Variants in CALB1 observed in about 807,000 individuals in gnomAD.
CALB1 encodes calbindin 1.
Under a neutral mutation model 46.7 loss-of-function variants are expected in CALB1, and 16 were observed. The observed-to-expected ratio is 0.34, with a 90% CI of 0.23 to 0.52. The LOEUF is 0.52. Among genes scored for constraint, CALB1 ranks in the 20% least tolerant of loss-of-function variants. The pLI, the probability that CALB1 is intolerant of heterozygous loss-of-function variation, is 0.95. For missense variants in CALB1, 224 were observed against 300.3 expected (o/e 0.75, Z 1.88); for synonymous variants, 90 against 112.8 (o/e 0.80, Z 1.28).
At chr8:90,069,766 A>G (rs1814468465) in intron 3 of CALB1, among the ~76,000 whole-genome samples, 1 of 152,136 alleles carries the variant, frequency 6.6e-6, no homozygotes, top group Non-Finnish European at 1.5e-5. Context: ...AGATAAACCA[A>G]AGACAATCGT....
At chr8:90,069,795 T>C (rs960298887) in intron 3 of CALB1, among the ~76,000 whole-genome samples, 2 of 151,978 alleles carry the variant, frequency 1.3e-5, no homozygotes, top group Non-Finnish European at 2.9e-5. Context: ...GGAAAAGAAA[T>C]TCACCATGAA....
rs568659351 is a variant in CALB1 at position 90,078,531 on chromosome 8, A to G, written c.157-84T>C. On this transcript the variant is annotated intron_variant, in intron 2 of 10. Coordinates refer to ENST00000265431, the MANE Select transcript of CALB1 (RefSeq NM_004929.4). ...ATGGTGTTAATAACTTACTGCAAAG[A>G]AAAACCAAAATTAGAACCATTTAGA... The G allele has an allele frequency of 1.1e-5, 8 of 753,456 alleles. No individual in the cohort carries two copies. In the East Asian group the frequency reaches 1.6e-4, roughly 15 times the overall value. 46.7% of individuals were successfully genotyped at this position (753,456 alleles called of 1,614,324 possible).
rs1586176184 is a variant in CALB1 at position 90,059,862 on chromosome 8, T to A, written c.*311A>T. 9 of 253,440 alleles carry A rather than the reference T, an allele frequency of 3.6e-5. No individual in the cohort carries two copies. The East Asian group carries it at 6.9e-4, about 19-fold the overall frequency. 15.7% of individuals were successfully genotyped at this position (253,440 alleles called of 1,614,324 possible). On this transcript the variant is annotated 3_prime_UTR_variant, in exon 11 of 11. Coordinates refer to ENST00000265431, the MANE Select transcript of CALB1 (RefSeq NM_004929.4). The stretch of plus-strand genomic sequence containing the variant: ...AATCAGAGACTAGAATTTTAGAGAT[T>A]AATCCTGGTGGAATTTTTAGGGAAA...
At chr8:90,077,344 A>C (rs1329163771) in intron 3 of CALB1, among the ~76,000 whole-genome samples, 2 of 152,008 alleles carry the variant, frequency 1.3e-5, no homozygotes, top group African/African-American at 4.8e-5. Context: ...AGTGTATTTC[A>C]CACTGGCATC....
rs1326599011 is a variant in CALB1 at position 90,059,392 on chromosome 8, T to C, written c.*781A>G. 1 of 152,606 alleles carries C rather than the reference T, an allele frequency of 6.6e-6. No individual in the cohort carries two copies. Among genetic ancestry groups the C allele is most frequent in the Admixed American group, 6.5e-5 (1 of 15,282 alleles). The allele number at this position is 152,606 out of a possible 1,614,324, so 9.5% of individuals were successfully genotyped here. A position where few individuals can be genotyped will look rare whatever the true frequency, so the allele number is the denominator to read the frequency against. ...ACACCAGGATATGCAGTATATTAAATTTAATCAGAGATTACACAGAGTATG... is the reference window on the plus strand; with the variant it reads ...ACACCAGGATATGCAGTATATTAAACTTAATCAGAGATTACACAGAGTATG... On this transcript the variant is annotated 3_prime_UTR_variant, in exon 11 of 11. Transcript: ENST00000265431.
chr8:90,081,895 G>A (rs1356401494), intron 2 of CALB1, 131 bp downstream of exon 2: 1 of 501,582 alleles, frequency 2.0e-6, no homozygotes, highest in Non-Finnish European at 3.4e-6. Flanking sequence ...GTTTTTTCTT[G>A]CCTTTCGCAG....
At chr8:90,067,755 C>A (rs559497664) in intron 5 of CALB1, among the ~76,000 whole-genome samples, 106 of 152,196 alleles carry the variant, frequency 7.0e-4, no homozygotes, top group Middle Eastern at 3.4e-3. Context: ...GCATGTAGTG[C>A]TGTGGGGGTG....
chr8:90,077,506 G>A (rs1198668927), intron 3 of CALB1, among the ~76,000 whole-genome samples: 5 of 151,796 alleles, frequency 3.3e-5, no homozygotes, highest in Admixed American at 3.3e-4. Flanking sequence ...TTATGATTTG[G>A]CATATTTCAA....
chr8:90,067,934 A>C (rs369977008), intron 5 of CALB1, among the ~76,000 whole-genome samples: 55 of 152,328 alleles, frequency 3.6e-4, no homozygotes, highest in African/African-American at 1.3e-3. Context: ...TGTGAGGATT[A>C]AATTTTAAAA....
rs773803549 is a variant in CALB1, at chr8:90,078,409, A to G, written c.195T>C (p.Tyr65=). 6 of 1,595,642 alleles carry G rather than the reference A, an allele frequency of 3.8e-6. No homozygotes were observed. Among genetic ancestry groups the G allele is most frequent in the Non-Finnish European group, 5.1e-6 (6 of 1,167,806 alleles). ...CTATTTTTCCATCATCTCTTTGCCC[A>G]TACTGATCCACAAAAGTTTTCATTT... ...SPEMKTFVDQ[Y]GQRDDGKIGI... Residue 65 remains tyrosine, a synonymous_variant, in exon 3 of 11, where the codon TAT becomes TAC. Transcript: ENST00000265431.
At chr8:90,061,896 A>G (rs1814305771) in intron 9 of CALB1, 1 of 152,172 alleles carries the variant, frequency 6.6e-6, no homozygotes, top group Non-Finnish European at 1.5e-5. Context: ...CAAATAGCCA[A>G]AAACCATCTT....
chr8:90,071,824 C>T (rs1312723873), intron 3 of CALB1, among the ~76,000 whole-genome samples: 3 of 152,092 alleles, frequency 2.0e-5, no homozygotes, highest in Admixed American at 6.6e-5. Flanking sequence ...AACCCCAACT[C>T]GTCCTTTATT....
intron 9 of CALB1, chr8:90,060,928 T>G: frequency 1.9e-6 from 1 of 518,080 alleles, no homozygotes; most frequent in Non-Finnish European, 3.5e-6. Flanking sequence ...ATCTTGAACT[T>G]TTCAAAGTAC....
At chr8:90,060,576 G>C in intron 10 of CALB1, 53 bp downstream of exon 10, 2 of 1,399,738 alleles carry the variant, frequency 1.4e-6, no homozygotes, top group Non-Finnish European at 2.0e-6. Context: ...GTTGGTTTTG[G>C]ATGGATCCAC....
chr8:90,062,129 C>T (rs908234747), intron 9 of CALB1: 1 of 151,904 alleles, frequency 6.6e-6, no homozygotes, highest in African/African-American at 2.4e-5. Context: ...GTAAACTATA[C>T]AGACACATGC....
At chr8:90,066,766 G>C (rs1033656563) in intron 5 of CALB1, among the ~76,000 whole-genome samples, 2 of 152,058 alleles carry the variant, frequency 1.3e-5, no homozygotes. Context: ...ATAAGTGACA[G>C]TGTAAGCACT....
rs1805900 is a variant in CALB1 at position 90,064,314 on chromosome 8, A to G, written c.451-853T>C. 1.8e-4 allele frequency: 28 copies of G among 151,882 alleles called. 1 individual carries two copies. In the East Asian group the frequency reaches 4.6e-3, roughly 25 times the overall value. The allele number at this position is 151,882 out of a possible 1,614,324, so 9.4% of individuals were successfully genotyped here. A position where few individuals can be genotyped will look rare whatever the true frequency, so the allele number is the denominator to read the frequency against. On this transcript the variant is annotated intron_variant, in intron 6 of 10. Coordinates refer to ENST00000265431, the MANE Select transcript of CALB1 (RefSeq NM_004929.4). Reference sequence around the variant, plus strand: ...GGAGGCAGATTTTTTTCAGGATCCCATGCTGACAAAACATTTTATAATCCA... The same window carrying G: ...GGAGGCAGATTTTTTTCAGGATCCCGTGCTGACAAAACATTTTATAATCCA...
intron 3 of CALB1, among the ~76,000 whole-genome samples, chr8:90,071,291 T>C (rs1459864608): frequency 6.6e-6 from 1 of 152,192 alleles, no homozygotes; most frequent in African/African-American, 2.4e-5. Context: ...AATCCCTTTT[T>C]TTTCCTCATC....
At chr8:90,065,854 A>C in intron 6 of CALB1, 44 bp downstream of exon 6, 25 of 1,195,198 alleles carry the variant, frequency 2.1e-5, no homozygotes, top group East Asian at 4.7e-5. Flanking sequence ...ACATCATACT[A>C]CTTCATGAGC....
Sources: allele counts gnomAD v4.1 joint callset (sites outside exome capture counted in the v4.1 genomes callset), GRCh38; gene constraint gnomAD v4.1.1; transcripts MANE v1.5; gene names NCBI Gene and HGNC (gene_info 2026-07-23, HGNC 2026-07-21).